The following TRIO variants were observed in gnomAD, a reference collection of about 807,000 sequenced individuals.
The protein encoded by TRIO is triple functional domain protein.
TRIO carries 58 observed loss-of-function variants against 351.9 expected under a neutral mutation model. That is an observed-to-expected ratio of 0.16 (90% confidence interval 0.13 to 0.21). The LOEUF (loss-of-function observed/expected upper bound fraction) is 0.21. TRIO is among the 10% of genes least tolerant of loss of function. The pLI is 1.00. For missense variants in TRIO, 3,201 were observed against 4,027.8 expected (o/e 0.79, Z 5.56); for synonymous variants, 1,758 against 1,595.7 (o/e 1.10, Z -2.42).
At chr5:14,424,754 A>AT in intron 34 of TRIO, among the ~76,000 whole-genome samples, 1 of 152,210 alleles carries the variant, frequency 6.6e-6, no homozygotes, top group East Asian at 1.9e-4. Flanking sequence ...CAAATGGGGC[A>AT]TTTTTTTCTA....
At chr5:14,471,877 T>C (rs141597249) in intron 38 of TRIO, among the ~76,000 whole-genome samples, 1,832 of 151,890 alleles carry the variant, frequency 0.012, 21 homozygotes, top group Non-Finnish European at 0.018. Flanking sequence ...AAAAGAGTCC[T>C]GAAAAATGTT....
At chr5:14,501,596 AC>A (rs1442861932) in intron 53 of TRIO, among the ~76,000 whole-genome samples, 2 of 152,240 alleles carry the variant, frequency 1.3e-5, no homozygotes, top group East Asian at 3.8e-4. Flanking sequence ...CAGGGAAGGC[AC>A]ATGGAGGAGG....
chr5:14,405,088 T>TA lies in TRIO; in HGVS notation c.4717-745dup, dbSNP rs3214756. On this transcript the variant is annotated intron_variant, in intron 31 of 56. Coordinates refer to ENST00000344204, the MANE Select transcript of TRIO (RefSeq NM_007118.4). ...AAAAAAACCTCCTTTGAGGCAGAGT[T>TA]AAAAAAAAAAAAAAAGTCTGGATCA... 3.4e-3 allele frequency among the ~76,000 whole-genome samples: 475 copies of TA among 138,086 alleles called. 2 individuals are homozygous for TA. Among genetic ancestry groups the TA allele is most frequent in the South Asian group, 4.7e-3 (20 of 4,244 alleles). 90.6% of individuals were successfully genotyped at this position (138,086 alleles called of 152,430 possible).
chr5:14,427,857 CAT>C (rs1212258047), intron 34 of TRIO, among the ~76,000 whole-genome samples: 2 of 152,144 alleles, frequency 1.3e-5, no homozygotes, highest in African/African-American at 4.8e-5. Context: ...AGCAACAACA[CAT>C]ATAGCCACCA....
intron 48 of TRIO, among the ~76,000 whole-genome samples, chr5:14,489,994 C>G (rs1756362915): frequency 1.3e-5 from 2 of 152,192 alleles, no homozygotes. Flanking sequence ...AAAATGCCCT[C>G]TAGGCTGGGC....
chr5:14,315,324 C>T (rs1302857444), intron 8 of TRIO, among the ~76,000 whole-genome samples: 1 of 150,856 alleles, frequency 6.6e-6, no homozygotes, highest in African/African-American at 2.5e-5. Flanking sequence ...ACGATCTCGG[C>T]TCACTGCAAC....
At chr5:14,423,932 T>C (rs1579614915) in intron 34 of TRIO, among the ~76,000 whole-genome samples, 1 of 150,768 alleles carries the variant, frequency 6.6e-6, no homozygotes, top group East Asian at 1.9e-4. Flanking sequence ...GAATTTTTTT[T>C]TTTTTTTTTT....
chr5:14,457,903 TCTAA>T (rs1236477926), intron 34 of TRIO, among the ~76,000 whole-genome samples: 1 of 152,154 alleles, frequency 6.6e-6, no homozygotes, highest in Non-Finnish European at 1.5e-5. Flanking sequence ...CCCCCCAAGT[TCTAA>T]CTTACAGGCC....
In TRIO at chr5:14,492,439, C is replaced by A. The variant is rs549853755; in HGVS notation, c.7633-128C>A. 3 of 1,267,476 alleles carry A rather than the reference C, an allele frequency of 2.4e-6. No individual in the cohort carries two copies. In the East Asian group the frequency reaches 7.2e-5, roughly 30 times the overall value. 78.5% of individuals were successfully genotyped at this position (1,267,476 alleles called of 1,614,324 possible). A position where few individuals can be genotyped will look rare whatever the true frequency, so the allele number is the denominator to read the frequency against. ...GGTAAAGGAAATGTTGAAAATTTCT[C>A]GGTGCTTGCCTGGTGAGCCCTGCAC... On this transcript the variant is annotated intron_variant, in intron 48 of 56. Transcript: ENST00000344204.
chr5:14,505,037 G>A (rs1172882882), intron 55 of TRIO, among the ~76,000 whole-genome samples: 1 of 152,266 alleles, frequency 6.6e-6, no homozygotes, highest in African/African-American at 2.4e-5. Flanking sequence ...AGTTGGATGG[G>A]AGGGTAAGAC....
At chr5:14,344,415 A>G (rs560724027) in intron 11 of TRIO, among the ~76,000 whole-genome samples, 12 of 152,362 alleles carry the variant, frequency 7.9e-5, no homozygotes, top group African/African-American at 2.9e-4. Context: ...ATAATTGAGA[A>G]AATATAGTAT....
At chr5:14,326,548 T>G (rs1414216252) in intron 9 of TRIO, among the ~76,000 whole-genome samples, 3 of 152,186 alleles carry the variant, frequency 2.0e-5, no homozygotes, top group Non-Finnish European at 2.9e-5. Flanking sequence ...GGTCTCCAGC[T>G]TTACTCTTCT....
intron 34 of TRIO, among the ~76,000 whole-genome samples, chr5:14,442,747 C>G (rs1019160852): frequency 6.6e-6 from 1 of 152,194 alleles, no homozygotes; most frequent in Non-Finnish European, 1.5e-5. Context: ...CATCTGCTCT[C>G]CTAATTTAAT....
chr5:14,180,143 T>C lies in TRIO; in HGVS notation c.157+36261T>C, dbSNP rs184664330. ...AAAAAAAAAAAGATTAACTGTAATA[T>C]AGATGTGGTAAAGCCTATGCGTTAT... is the stretch of plus-strand genomic sequence containing the variant. On this transcript the variant is annotated intron_variant, in intron 1 of 56. Coordinates refer to ENST00000344204, the MANE Select transcript of TRIO (RefSeq NM_007118.4). Among the ~76,000 whole-genome samples the C allele has an allele frequency of 5.6e-3, 755 of 135,630 alleles. 5 individuals carry two copies. The highest frequency in any genetic ancestry group is 0.02 in the African/African-American group (715 of 36,012). The allele number at this position is 135,630 out of a possible 152,430, so 89.0% of individuals were successfully genotyped here. A position where few individuals can be genotyped will look rare whatever the true frequency, so the allele number is the denominator to read the frequency against.
chr5:14,486,774 C>G (rs986649571), intron 47 of TRIO, among the ~76,000 whole-genome samples: 2 of 152,116 alleles, frequency 1.3e-5, no homozygotes, highest in Non-Finnish European at 2.9e-5. Flanking sequence ...CCCCTTAGTC[C>G]TGGAAGAGGC....
intron 1 of TRIO, among the ~76,000 whole-genome samples, chr5:14,228,619 A>G (rs575004938): frequency 6.6e-6 from 1 of 152,350 alleles, no homozygotes; most frequent in South Asian, 2.1e-4. Flanking sequence ...GATAATTTGT[A>G]TAGGCACAAA....
At chr5:14,490,966 G>A in intron 48 of TRIO, 1 of 394,504 alleles carries the variant, frequency 2.5e-6, no homozygotes, top group Non-Finnish European at 5.1e-6. Flanking sequence ...TCCCTGTACA[G>A]CACGCTTTTT....
At chr5:14,147,879 T>C (rs1364730541) in intron 1 of TRIO, among the ~76,000 whole-genome samples, 1 of 152,220 alleles carries the variant, frequency 6.6e-6, no homozygotes, top group African/African-American at 2.4e-5. Context: ...TGGGTCCTTG[T>C]TACCCTCAAT....
intron 2 of TRIO, among the ~76,000 whole-genome samples, chr5:14,275,822 AAT>A (rs60490759): frequency 6.7e-6 from 1 of 148,964 alleles, no homozygotes; most frequent in Admixed American, 6.7e-5. Context: ...GTAATACACA[AAT>A]ATATATATAC....
Sources: allele counts gnomAD v4.1 joint callset (sites outside exome capture counted in the v4.1 genomes callset), GRCh38; gene constraint gnomAD v4.1.1; transcripts MANE v1.5; gene names NCBI Gene and HGNC (gene_info 2026-07-23, HGNC 2026-07-21).